Variants in NLGN1 observed in about 807,000 individuals in gnomAD.
The protein encoded by NLGN1 is neuroligin-1.
In NLGN1, 12 loss-of-function variants were observed where a neutral mutation model predicts 65.5. The observed-to-expected ratio is 0.18, with a 90% CI of 0.12 to 0.30. The LOEUF (loss-of-function observed/expected upper bound fraction) is 0.30, where lower values mean the gene tolerates loss of function less well. NLGN1 is among the 10% of genes least tolerant of loss of function. The pLI is 1.00. For synonymous variants in NLGN1, 350 were observed against 359.5 expected (o/e 0.97, Z 0.30); for missense variants, 750 against 1,007.1 (o/e 0.74, Z 3.46).
In NLGN1 at chr3:173,422,048, C is replaced by CA. The variant is rs1715171161; in HGVS notation, c.-389-12959dup. On this transcript the variant is annotated intron_variant, in intron 1 of 6. Coordinates refer to ENST00000457714, the Ensembl canonical transcript of NLGN1. ...CATCAAATGCAGACATTTATTATCT[C>CA]AAACAAATAAACTCAAACACTTATC... is the stretch of plus-strand genomic sequence containing the variant. Among the ~76,000 whole-genome samples, 5 of 150,414 alleles carry CA rather than the reference C, an allele frequency of 3.3e-5. No individual in the cohort carries two copies. The South Asian group carries it at 1.0e-3, about 31-fold the overall frequency.
At chr3:173,758,298 A>G (rs1450698082) in intron 3 of NLGN1, among the ~76,000 whole-genome samples, 1 of 152,048 alleles carries the variant, frequency 6.6e-6, no homozygotes, top group Non-Finnish European at 1.5e-5. Context: ...TGTTTAAGCT[A>G]CCAAGCCTAT....
intron 2 of NLGN1, among the ~76,000 whole-genome samples, chr3:173,443,185 C>G (rs914535957): frequency 7.3e-5 from 11 of 151,526 alleles, no homozygotes; most frequent in South Asian, 2.1e-4. Context: ...GCTGCAGTAA[C>G]CTATGATCAT....
At chr3:173,677,615 A>C (rs967857931) in intron 3 of NLGN1, among the ~76,000 whole-genome samples, 6 of 152,056 alleles carry the variant, frequency 3.9e-5, no homozygotes, top group Non-Finnish European at 5.9e-5. Context: ...TTTATAACCT[A>C]TTATCTATGA....
At chr3:174,061,676 G>T (rs1271811585) in intron 4 of NLGN1, among the ~76,000 whole-genome samples, 1 of 152,112 alleles carries the variant, frequency 6.6e-6, no homozygotes, top group Non-Finnish European at 1.5e-5. Context: ...TAATTAAAAT[G>T]ATTTAACATA....
At chr3:173,656,178 T>C (rs1283269795) in intron 3 of NLGN1, among the ~76,000 whole-genome samples, 1 of 152,108 alleles carries the variant, frequency 6.6e-6, no homozygotes, top group Non-Finnish European at 1.5e-5. Context: ...TGATTTAGTT[T>C]TAGGAAGTCC....
intron 2 of NLGN1, among the ~76,000 whole-genome samples, chr3:173,503,495 G>T (rs963319744): frequency 6.6e-6 from 1 of 151,994 alleles, no homozygotes; most frequent in African/African-American, 2.4e-5. Flanking sequence ...TAAAAACGAA[G>T]TTGTACATGA....
chr3:173,417,581 G>C (rs1175352038), intron 1 of NLGN1, among the ~76,000 whole-genome samples: 2 of 151,852 alleles, frequency 1.3e-5, no homozygotes, highest in Middle Eastern at 3.6e-3. Context: ...GACACTAATA[G>C]GAATTATTTT....
At chr3:174,210,478 G>C (rs1736254318) in intron 4 of NLGN1, among the ~76,000 whole-genome samples, 1 of 152,210 alleles carries the variant, frequency 6.6e-6, no homozygotes, top group Non-Finnish European at 1.5e-5. Flanking sequence ...GTTGGCAATG[G>C]TGGCAGGGGA....
chr3:173,820,203 A>C (rs934180990), intron 4 of NLGN1, among the ~76,000 whole-genome samples: 3 of 144,874 alleles, frequency 2.1e-5, no homozygotes, highest in African/African-American at 7.6e-5. Flanking sequence ...AAAAAAAAAA[A>C]CGAGAAAGAG....
intron 3 of NLGN1, among the ~76,000 whole-genome samples, chr3:173,625,014 T>G (rs1754606978): frequency 6.6e-6 from 1 of 151,944 alleles, no homozygotes; most frequent in Non-Finnish European, 1.5e-5. Context: ...AATGAGTGAG[T>G]GAAATATTGT....
intron 2 of NLGN1, among the ~76,000 whole-genome samples, chr3:173,502,205 G>A (rs1731248778): frequency 6.6e-6 from 1 of 152,138 alleles, no homozygotes; most frequent in African/African-American, 2.4e-5. Flanking sequence ...ATTTTTCAAT[G>A]TTCAGAAGTG....
At chr3:173,486,684 A>G (rs9822948) in intron 2 of NLGN1, among the ~76,000 whole-genome samples, 4,681 of 152,224 alleles carry the variant, frequency 0.031, 229 homozygotes, top group African/African-American at 0.11. Context: ...CAAGAACATA[A>G]TTCGATTTGT....
At chr3:174,147,288 C>T (rs1486366106) in intron 4 of NLGN1, among the ~76,000 whole-genome samples, 1 of 152,054 alleles carries the variant, frequency 6.6e-6, no homozygotes, top group African/African-American at 2.4e-5. Context: ...GGAGTCAGAG[C>T]GCACGGGCCC....
At chr3:173,656,650 A>AC (rs1270510174) in intron 3 of NLGN1, among the ~76,000 whole-genome samples, 1 of 151,972 alleles carries the variant, frequency 6.6e-6, no homozygotes, top group Non-Finnish European at 1.5e-5. Context: ...TCAGAAGATG[A>AC]CCCCCACCAC....
chr3:173,909,178 C>T (rs766579254), intron 4 of NLGN1, among the ~76,000 whole-genome samples: 6 of 151,570 alleles, frequency 4.0e-5, no homozygotes, highest in Admixed American at 2.0e-4. Context: ...CCTTGCAGAA[C>T]GATGCAAGGA....
chr3:173,489,244 C>T (rs922462823), intron 2 of NLGN1, among the ~76,000 whole-genome samples: 2 of 151,932 alleles, frequency 1.3e-5, no homozygotes, highest in African/African-American at 2.4e-5. Flanking sequence ...TTACCCCCAC[C>T]CCACAACAGG....
At chr3:173,612,569 G>T (rs987388490) in intron 3 of NLGN1, among the ~76,000 whole-genome samples, 1 of 151,962 alleles carries the variant, frequency 6.6e-6, no homozygotes. Context: ...TTTCTTTCCT[G>T]TGTGTCTCCC....
chr3:173,652,911 A>G (rs1315079725), intron 3 of NLGN1, among the ~76,000 whole-genome samples: 1 of 152,126 alleles, frequency 6.6e-6, no homozygotes, highest in African/African-American at 2.4e-5. Flanking sequence ...GGTGTCCTCT[A>G]TGATTTCTTT....
chr3:173,765,030 A>C (rs2150228685), intron 3 of NLGN1, among the ~76,000 whole-genome samples: 1 of 147,766 alleles, frequency 6.8e-6, no homozygotes, highest in Non-Finnish European at 1.5e-5. Context: ...ATGTGCCAGA[A>C]ATTGCTAATT....
Sources: gnomAD v4.1 joint callset for allele counts (sites outside exome capture counted in the v4.1 genomes callset) on GRCh38, gnomAD v4.1.1 for gene constraint, MANE v1.5 for transcripts, NCBI Gene and HGNC (gene_info 2026-07-23, HGNC 2026-07-21) for gene names.